UST: variants seen among roughly 807,000 people sequenced by gnomAD.
UST encodes the protein uronyl 2-sulfotransferase.
Under a neutral mutation model 45.6 loss-of-function variants are expected in UST, and 21 were observed. That is an observed-to-expected ratio of 0.46 (90% CI 0.33 to 0.66). The LOEUF is 0.66. Among genes scored for constraint, UST ranks in the 30% least tolerant of loss-of-function variants. The probability of loss-of-function intolerance (pLI) is 0.02; values close to 1 mark genes in which losing one functional copy is unlikely to be tolerated. For synonymous variants in UST, 215 were observed against 200.6 expected, an observed-to-expected ratio of 1.07 and a Z score of -0.61; for missense variants, 463 against 512.4, an observed-to-expected ratio of 0.90 and a Z score of 0.93.
At chr6:148,855,836 C>T (rs1241071555) in intron 1 of UST, among the ~76,000 whole-genome samples, 1 of 152,100 alleles carries the variant, frequency 6.6e-6, no homozygotes, top group East Asian at 1.9e-4. Context: ...AGATGCTGGG[C>T]AATACAGTTT....
intron 1 of UST, among the ~76,000 whole-genome samples, chr6:148,800,812 A>G (rs73778904): frequency 0.016 from 2,317 of 144,584 alleles, 56 homozygotes; most frequent in African/African-American, 0.057. Context: ...TTTTGGAGAC[A>G]CGTGGCTCTG....
intron 2 of UST, among the ~76,000 whole-genome samples, chr6:148,923,264 G>T (rs921475390): frequency 6.6e-6 from 1 of 152,176 alleles, no homozygotes; most frequent in African/African-American, 2.4e-5. Flanking sequence ...TTCAATACAA[G>T]ACTTTGGGGA....
chr6:148,768,829 T>G (rs188713525), intron 1 of UST, among the ~76,000 whole-genome samples: 38 of 152,354 alleles, frequency 2.5e-4, no homozygotes, highest in Admixed American at 7.2e-4. Flanking sequence ...TGAGGCCATC[T>G]GGTCCCTCTT....
intron 1 of UST, among the ~76,000 whole-genome samples, chr6:148,861,788 T>G (rs1162954183): frequency 6.6e-6 from 1 of 152,216 alleles, no homozygotes; most frequent in African/African-American, 2.4e-5. Flanking sequence ...GTCATTCAGT[T>G]TCCATGTAGT....
intron 1 of UST, among the ~76,000 whole-genome samples, chr6:148,882,837 G>A (rs1014241667): frequency 1.3e-5 from 2 of 152,176 alleles, no homozygotes; most frequent in East Asian, 3.8e-4. Flanking sequence ...AATAAAGGTT[G>A]TTATACAATC....
At chr6:148,967,089 G>A (rs879311564) in intron 5 of UST, among the ~76,000 whole-genome samples, 2 of 152,126 alleles carry the variant, frequency 1.3e-5, no homozygotes, top group Admixed American at 1.3e-4. Context: ...TTGGTAGTTG[G>A]GGCAAGTGTT....
chr6:148,877,669 A>G (rs62426095), intron 1 of UST, among the ~76,000 whole-genome samples: 17,929 of 56,254 alleles, frequency 0.32, 2,620 homozygotes, highest in South Asian at 0.46. Context: ...GCGAGGGGTC[A>G]TGTATGAGTG....
chr6:148,996,555 C>T (rs952191957), intron 5 of UST, among the ~76,000 whole-genome samples: 4 of 152,238 alleles, frequency 2.6e-5, no homozygotes, highest in Admixed American at 6.5e-5. Flanking sequence ...ACTGCTTTTC[C>T]TCCTACAGAC....
intron 1 of UST, among the ~76,000 whole-genome samples, chr6:148,876,805 A>G (rs1778661584): frequency 6.6e-6 from 1 of 151,466 alleles, no homozygotes; most frequent in Non-Finnish European, 1.5e-5. Context: ...TGGGCATGGC[A>G]TTGGGCTCCT....
chr6:149,073,320 C>A (rs1211933544), intron 7 of UST, among the ~76,000 whole-genome samples: 1 of 152,190 alleles, frequency 6.6e-6, no homozygotes, highest in Non-Finnish European at 1.5e-5. Flanking sequence ...CTTAAGAAAT[C>A]TGGCAGCCCT....
At chr6:149,000,857 A>T (rs1781535392) in intron 5 of UST, among the ~76,000 whole-genome samples, 1 of 152,200 alleles carries the variant, frequency 6.6e-6, no homozygotes, top group Non-Finnish European at 1.5e-5. Context: ...GTTAAAGAGA[A>T]TATTAATTGA....
chr6:148,770,203 G>C (rs1482702131), intron 1 of UST, among the ~76,000 whole-genome samples: 5 of 151,888 alleles, frequency 3.3e-5, no homozygotes, highest in African/African-American at 7.3e-5. Flanking sequence ...ATTGGTAATA[G>C]AGATTTGCCC....
At chr6:148,792,092 C>T (rs1776860113) in intron 1 of UST, among the ~76,000 whole-genome samples, 1 of 152,150 alleles carries the variant, frequency 6.6e-6, no homozygotes, top group Non-Finnish European at 1.5e-5. Context: ...GCCTAGGAGT[C>T]AGCAGGTAGC....
chr6:148,783,809 G>A (rs905236748), intron 1 of UST, among the ~76,000 whole-genome samples: 1 of 152,132 alleles, frequency 6.6e-6, no homozygotes, highest in African/African-American at 2.4e-5. Flanking sequence ...CAGTAGTAAG[G>A]TTCCCCTGTG....
rs367905150 is a variant in UST, at chr6:148,929,708, T to C, written c.292-11571T>C. On this transcript the variant is annotated intron_variant, in intron 2 of 7. Transcript: ENST00000367463. ...TTTTGGTTACCTGCAGATACAAGCA[T>C]CCTCGTATTGATACATGGAGATGTA... Among the ~76,000 whole-genome samples the C allele has an allele frequency of 2.0e-4, 31 of 152,342 alleles. No homozygotes were observed. The East Asian group carries it at 3.9e-3, about 19-fold the overall frequency.
Position 148,934,673 on chromosome 6 carries a change from A to G in UST, c.292-6606A>G, listed in dbSNP as rs1315065982. Among the ~76,000 whole-genome samples, 1 of 152,118 alleles carries G rather than the reference A, an allele frequency of 6.6e-6. No individual in the cohort carries two copies. Among genetic ancestry groups the G allele is most frequent in the African/African-American group, 2.4e-5 (1 of 41,404 alleles). On this transcript the variant is annotated intron_variant, in intron 2 of 7. Coordinates refer to ENST00000367463, the MANE Select transcript of UST (RefSeq NM_005715.3). The surrounding 1 kb of genome is among the most constrained non-coding windows in gnomAD (Gnocchi z 4.1). The stretch of plus-strand genomic sequence containing the variant: ...AGCCTTAATCCCTCAGAAGGCTTCA[A>G]GGACCCACTCAGCCACTTAATACAG...
rs143921527 is a variant in UST at position 149,073,467 on chromosome 6, C to G, written c.938-366C>G. 2.0e-3 allele frequency among the ~76,000 whole-genome samples: 300 copies of G among 152,274 alleles called. 2 individuals carry two copies. Among genetic ancestry groups the G allele is most frequent in the Non-Finnish European group, 8.7e-4 (59 of 68,028 alleles). On this transcript the variant is annotated intron_variant, in intron 7 of 7. Coordinates refer to ENST00000367463, the MANE Select transcript of UST (RefSeq NM_005715.3). The stretch of plus-strand genomic sequence containing the variant: ...AAAGTGGTTAGACAGCTCTTCCATG[C>G]CTCCTTCTGAGGGTAAAGCCCTTTT...
rs556796841 is a variant in UST at position 148,857,418 on chromosome 6, A to G, written c.248-29568A>G. ...TATTACGCCCACCGTAAGTTCTGCC[A>G]ACATTGTATCTACTCCTTCCCGTGA... On this transcript the variant is annotated intron_variant, in intron 1 of 7. Coordinates refer to ENST00000367463, the MANE Select transcript of UST (RefSeq NM_005715.3). 9.2e-5 allele frequency among the ~76,000 whole-genome samples: 14 copies of G among 152,342 alleles called. No individual in the cohort carries two copies. The East Asian group carries it at 2.5e-3, about 27-fold the overall frequency.
intron 1 of UST, among the ~76,000 whole-genome samples, chr6:148,867,385 C>G (rs1475661842): frequency 6.6e-6 from 1 of 151,548 alleles, no homozygotes; most frequent in Admixed American, 6.6e-5. Context: ...AAATTCTGTG[C>G]TATAGCACCG....
Sources: allele counts gnomAD v4.1 joint callset (sites outside exome capture counted in the v4.1 genomes callset), GRCh38; gene constraint gnomAD v4.1.1; non-coding constraint Gnocchi (gnomAD v3.1); transcripts MANE v1.5; gene names NCBI Gene and HGNC (gene_info 2026-07-23, HGNC 2026-07-21).